Variants in CHST9 observed in about 807,000 individuals in gnomAD.
CHST9 encodes carbohydrate sulfotransferase 9.
Under a neutral mutation model 44.4 loss-of-function variants are expected in CHST9, and 41 were observed. The ratio of observed to expected loss-of-function variants is 0.92; its 90% confidence interval spans 0.72 to 1.20. CHST9 has a LOEUF of 1.20. Among genes scored for constraint, CHST9 ranks in the 50% most tolerant of loss-of-function variants. CHST9 has a pLI of 0.00. For missense variants in CHST9, 504 were observed against 516.5 expected (o/e 0.98, Z 0.23); for synonymous variants, 171 against 178.4 (o/e 0.96, Z 0.33).
chr18:27,178,573 T>C (rs1327738934), intron 1 of CHST9, among the ~76,000 whole-genome samples: 1 of 152,054 alleles, frequency 6.6e-6, no homozygotes, highest in African/African-American at 2.4e-5. Flanking sequence ...TCCTCCTTGC[T>C]TCTGGGATCC....
intron 4 of CHST9, among the ~76,000 whole-genome samples, chr18:27,014,490 A>AAAAAAAAAAAAAAAAAAAT (rs2057125313): frequency 8.1e-6 from 1 of 124,038 alleles, no homozygotes; most frequent in Non-Finnish European, 1.7e-5. Context: ...AAAAAAAAAA[A>AAAAAAAAAAAAAAAAAAAT]AAAGAATTAC....
Position 26,916,369 on chromosome 18 carries a change from G to C in CHST9, c.1222C>G (p.Gln408Glu), listed in dbSNP as rs1435934468. ...TCCTTTAAATACTGTCTCACGACTT[G>C]AGCATTGGTTCTTTCATCGGAAGAG... is the stretch of plus-strand genomic sequence containing the variant. ...RHSSDERTNAQVVRQYLKDLT... is the reference protein window; with the variant it reads ...RHSSDERTNAEVVRQYLKDLT... Residue 408 changes from glutamine to glutamate, a missense_variant, in exon 6 of 6, where the codon CAA becomes GAA. Coordinates refer to ENST00000618847, the MANE Select transcript of CHST9 (RefSeq NM_031422.6). 1.2e-6 allele frequency: 2 copies of C among 1,613,706 alleles called. No individual in the cohort carries two copies. Among genetic ancestry groups the C allele is most frequent in the Non-Finnish European group, 8.5e-7 (1 of 1,179,690 alleles).
At chr18:27,024,082 C>G in intron 4 of CHST9, 34 bp downstream of exon 4, 1 of 1,602,920 alleles carries the variant, frequency 6.2e-7, no homozygotes, top group Non-Finnish European at 8.5e-7. Flanking sequence ...TCTATAACTA[C>G]CCAAGATTCA....
intron 4 of CHST9, among the ~76,000 whole-genome samples, chr18:26,944,770 A>G (rs556161079): frequency 6.6e-6 from 1 of 152,292 alleles, no homozygotes; most frequent in East Asian, 1.9e-4. Flanking sequence ...AGAACTGGAC[A>G]AGGAGATTTG....
intron 4 of CHST9, among the ~76,000 whole-genome samples, chr18:27,014,739 C>T (rs935805863): frequency 1.3e-5 from 2 of 151,974 alleles, no homozygotes; most frequent in African/African-American, 2.4e-5. Flanking sequence ...TGTACACATT[C>T]CCCCAGAAAA....
chr18:27,085,050 T>A (rs1375443962), intron 2 of CHST9, among the ~76,000 whole-genome samples: 1 of 152,130 alleles, frequency 6.6e-6, no homozygotes, highest in African/African-American at 2.4e-5. Flanking sequence ...TGGGAATTGC[T>A]TTATGGACAA....
chr18:27,048,413 G>A (rs2057528898), intron 3 of CHST9, 52 bp downstream of exon 3: 1 of 1,443,012 alleles, frequency 6.9e-7, no homozygotes, highest in Non-Finnish European at 9.6e-7. Flanking sequence ...AAAATTTAAA[G>A]GTGGAAATAA....
chr18:26,957,707 A>G (rs2056344237), intron 4 of CHST9, among the ~76,000 whole-genome samples: 3 of 152,160 alleles, frequency 2.0e-5, no homozygotes, highest in African/African-American at 7.2e-5. Context: ...CCTATTTTGC[A>G]AAGATAGCTG....
At chr18:27,067,456 A>C (rs2057794316) in intron 2 of CHST9, among the ~76,000 whole-genome samples, 1 of 152,068 alleles carries the variant, frequency 6.6e-6, no homozygotes, top group Non-Finnish European at 1.5e-5. Context: ...AAAAAGTAAA[A>C]TAAATAAATA....
chr18:27,108,683 G>C (rs1486163437), intron 2 of CHST9, among the ~76,000 whole-genome samples: 1 of 152,084 alleles, frequency 6.6e-6, no homozygotes. Context: ...AAGTTGAAAG[G>C]GAAGGAAGGA....
chr18:27,158,334 T>A (rs1254440985), intron 1 of CHST9, among the ~76,000 whole-genome samples: 1 of 145,650 alleles, frequency 6.9e-6, no homozygotes, highest in African/African-American at 2.5e-5. Flanking sequence ...AATTCCCACC[T>A]ATGAGTAAGA....
At chr18:27,053,256 A>AAGGAGAAGG (rs1555679843) in intron 2 of CHST9, among the ~76,000 whole-genome samples, 4 of 80,586 alleles carry the variant, frequency 5.0e-5, no homozygotes, top group Admixed American at 2.6e-4. Context: ...GAAGAAGAAG[A>AAGGAGAAGG]AGAAGGAGAA....
chr18:27,176,283 T>C (rs1045256757), intron 1 of CHST9, among the ~76,000 whole-genome samples: 6 of 152,034 alleles, frequency 3.9e-5, no homozygotes, highest in African/African-American at 1.4e-4. Context: ...GCATTTTGAA[T>C]GCAAATATAA....
intron 1 of CHST9, among the ~76,000 whole-genome samples, chr18:27,163,844 C>A (rs905665046): frequency 6.6e-6 from 1 of 152,180 alleles, no homozygotes; most frequent in Non-Finnish European, 1.5e-5. Context: ...CTGATACTCC[C>A]CAATGAGATG....
At chr18:26,930,760 G>A (rs1344539057) in intron 5 of CHST9, 2 of 153,774 alleles carry the variant, frequency 1.3e-5, no homozygotes, top group African/African-American at 4.8e-5. Flanking sequence ...AGCTGGTGTA[G>A]AATGAGTTCC....
At chr18:27,166,579 T>C (rs965957916) in intron 1 of CHST9, among the ~76,000 whole-genome samples, 7 of 152,218 alleles carry the variant, frequency 4.6e-5, no homozygotes, top group Non-Finnish European at 8.8e-5. Flanking sequence ...AACAGAAATA[T>C]TTATTGAATA....
intron 1 of CHST9, among the ~76,000 whole-genome samples, chr18:27,182,348 T>G (rs918873674): frequency 6.6e-6 from 1 of 152,144 alleles, no homozygotes; most frequent in African/African-American, 2.4e-5. Context: ...TAGGAGAATC[T>G]TAACGCTTTC....
At chr18:27,089,144 A>AT (rs960641561) in intron 2 of CHST9, among the ~76,000 whole-genome samples, 23 of 149,896 alleles carry the variant, frequency 1.5e-4, no homozygotes, top group Middle Eastern at 3.4e-3. Context: ...TCTTTCCTTC[A>AT]TTTTTTTTTA....
intron 2 of CHST9, among the ~76,000 whole-genome samples, chr18:27,137,003 C>G (rs901714331): frequency 5.9e-5 from 9 of 152,194 alleles, no homozygotes; most frequent in Admixed American, 4.6e-4. Flanking sequence ...GCATATAACT[C>G]TTCATTACTT....
Sources: allele counts gnomAD v4.1 joint callset (sites outside exome capture counted in the v4.1 genomes callset), GRCh38; gene constraint gnomAD v4.1.1; transcripts MANE v1.5; gene names NCBI Gene and HGNC (gene_info 2026-07-23, HGNC 2026-07-21).